The following TMTC2 variants were observed in gnomAD, a reference collection of about 807,000 sequenced individuals.
TMTC2 encodes the protein protein O-mannosyl-transferase TMTC2.
TMTC2 carries 43 observed loss-of-function variants against 82.4 expected under a neutral mutation model. The ratio of observed to expected loss-of-function variants is 0.52; its 90% confidence interval spans 0.41 to 0.67. The LOEUF (loss-of-function observed/expected upper bound fraction) is 0.67, where lower values mean the gene tolerates loss of function less well. Ranked by LOEUF, TMTC2 falls within the 30% of genes least tolerant of loss-of-function variation. The pLI, the probability that TMTC2 is intolerant of heterozygous loss-of-function variation, is 0.00. For missense variants in TMTC2, 919 were observed against 1,012.4 expected (o/e 0.91, Z 1.25); for synonymous variants, 408 against 381.9 (o/e 1.07, Z -0.80).
At chr12:82,839,654 T>C (rs1277974766) in intron 1 of TMTC2, among the ~76,000 whole-genome samples, 3 of 152,118 alleles carry the variant, frequency 2.0e-5, no homozygotes, top group Admixed American at 6.6e-5. Flanking sequence ...CAAGAAAAAA[T>C]AGGCAGAAGA....
At chr12:82,981,704 T>C (rs1248981020) in intron 7 of TMTC2, among the ~76,000 whole-genome samples, 1 of 151,866 alleles carries the variant, frequency 6.6e-6, no homozygotes, top group Non-Finnish European at 1.5e-5. Flanking sequence ...AGAATATGAC[T>C]TAACCTTTAT....
intron 1 of TMTC2, among the ~76,000 whole-genome samples, chr12:82,740,850 C>A (rs79489175): frequency 0.076 from 11,643 of 152,242 alleles, 500 homozygotes; most frequent in South Asian, 0.13. Flanking sequence ...AGCTAAAAGG[C>A]CTCTTTCATG....
At chr12:83,016,697 G>A (rs940875979) in intron 8 of TMTC2, among the ~76,000 whole-genome samples, 8 of 152,164 alleles carry the variant, frequency 5.3e-5, no homozygotes, top group Non-Finnish European at 1.0e-4. Context: ...ATAACATAAT[G>A]ATTCCTGGTA....
intron 1 of TMTC2, among the ~76,000 whole-genome samples, chr12:82,743,003 G>A (rs914160268): frequency 6.6e-6 from 1 of 152,036 alleles, no homozygotes; most frequent in Non-Finnish European, 1.5e-5. Flanking sequence ...TATCTTATTT[G>A]CTGTCTTTGT....
chr12:82,941,946 A>G (rs183028707), intron 4 of TMTC2, among the ~76,000 whole-genome samples: 370 of 152,198 alleles, frequency 2.4e-3, no homozygotes, highest in Non-Finnish European at 3.9e-3. Flanking sequence ...GGTTTTCACC[A>G]TGTTGGCCAG....
chr12:82,906,312 A>G (rs1041075905), intron 3 of TMTC2, among the ~76,000 whole-genome samples: 1 of 152,168 alleles, frequency 6.6e-6, no homozygotes, highest in Non-Finnish European at 1.5e-5. Context: ...TTGTCATGAT[A>G]TGTCCAAGGG....
At chr12:82,893,335 C>T (rs1471030928) in intron 2 of TMTC2, among the ~76,000 whole-genome samples, 1 of 146,958 alleles carries the variant, frequency 6.8e-6, no homozygotes, top group African/African-American at 2.5e-5. Flanking sequence ...CATGCCACTG[C>T]ACTTCAGCCT....
chr12:82,948,550 C>T (rs1877161313), intron 4 of TMTC2, among the ~76,000 whole-genome samples: 1 of 152,136 alleles, frequency 6.6e-6, no homozygotes, highest in Non-Finnish European at 1.5e-5. Context: ...TTAGAAACTG[C>T]TTGTATGACC....
intron 1 of TMTC2, among the ~76,000 whole-genome samples, chr12:82,793,193 G>A (rs964123066): frequency 1.3e-5 from 2 of 152,022 alleles, no homozygotes; most frequent in Non-Finnish European, 2.9e-5. Context: ...CTGATGCAAG[G>A]GATAGAACAT....
At chr12:82,834,935 T>G (rs902049705) in intron 1 of TMTC2, among the ~76,000 whole-genome samples, 4 of 151,872 alleles carry the variant, frequency 2.6e-5, no homozygotes, top group African/African-American at 9.7e-5. Flanking sequence ...TGGAGTGCGG[T>G]GGTGCTATCT....
At chr12:82,690,261 T>C (rs1052483523) in intron 1 of TMTC2, 2 of 433,816 alleles carry the variant, frequency 4.6e-6, no homozygotes, top group African/African-American at 4.3e-5. Flanking sequence ...CAAAGATTCA[T>C]GTTTAAAACA....
chr12:82,938,865 T>A (rs889028030), intron 4 of TMTC2, among the ~76,000 whole-genome samples: 2 of 152,210 alleles, frequency 1.3e-5, no homozygotes, highest in Non-Finnish European at 2.9e-5. Context: ...CTCATGTCCT[T>A]TTCCTCCTCT....
intron 1 of TMTC2, among the ~76,000 whole-genome samples, chr12:82,825,349 G>T (rs11115448): frequency 6.6e-6 from 1 of 152,052 alleles, no homozygotes; most frequent in South Asian, 2.1e-4. Context: ...TTATTTTCCT[G>T]CTGAACATGA....
At chr12:82,914,015 A>G (rs1336251255) in intron 3 of TMTC2, among the ~76,000 whole-genome samples, 1 of 152,170 alleles carries the variant, frequency 6.6e-6, no homozygotes, top group Non-Finnish European at 1.5e-5. Flanking sequence ...GGCAGTTCAA[A>G]CCTATGTTGT....
rs1282796530 is a variant in TMTC2 at position 82,912,938 on chromosome 12, T to TG, written c.1483+16293dup. Among the ~76,000 whole-genome samples the TG allele has an allele frequency of 2.0e-4, 6 of 29,514 alleles. No individual in the cohort carries two copies. The East Asian group carries it at 0.016, about 76-fold the overall frequency. The allele number at this position is 29,514 out of a possible 152,430, so 19.4% of individuals were successfully genotyped here. On this transcript the variant is annotated intron_variant, in intron 3 of 11. Transcript: ENST00000321196. ...TGGGTGACAGAGTTGAGACCTTGTC[T>TG]GAAAAAAAAAAAAAAAAGAATGGGT...
intron 7 of TMTC2, among the ~76,000 whole-genome samples, chr12:82,981,426 C>T (rs1379111922): frequency 6.6e-6 from 1 of 151,798 alleles, no homozygotes; most frequent in African/African-American, 2.4e-5. Context: ...ATTATTTGTT[C>T]TACATCTGAA....
intron 4 of TMTC2, among the ~76,000 whole-genome samples, chr12:82,932,238 C>T (rs1876077432): frequency 6.6e-6 from 1 of 152,182 alleles, no homozygotes; most frequent in Non-Finnish European, 1.5e-5. Context: ...CATACGTTGA[C>T]TTCGTGTTTA....
rs559433470 is a variant in TMTC2 at position 82,829,183 on chromosome 12, A to C, written c.84-27827A>C. Among the ~76,000 whole-genome samples the C allele has an allele frequency of 2.6e-5, 4 of 152,302 alleles. No individual in the cohort carries two copies. In the South Asian group the frequency reaches 6.2e-4, roughly 24 times the overall value. ...GTTTTGTTTTGTTTACAAGTGAGGA[A>C]TCAGAAACATAATTGATTTACAAAG... On this transcript the variant is annotated intron_variant, in intron 1 of 11. Coordinates refer to ENST00000321196, the MANE Select transcript of TMTC2 (RefSeq NM_152588.3).
Position 82,787,016 on chromosome 12 carries a change from A to C in TMTC2, c.84-69994A>C, listed in dbSNP as rs12321752. ...ACAGTTTGTATGTAGCCCTCACACT[A>C]TTTTGTTTGTTCAGAGAGCTTTATC... On this transcript the variant is annotated intron_variant, in intron 1 of 11. Coordinates refer to ENST00000321196, the MANE Select transcript of TMTC2 (RefSeq NM_152588.3). Among the ~76,000 whole-genome samples the C allele has an allele frequency of 8.7e-3, 1,320 of 152,108 alleles. 19 individuals are homozygous for C. The highest frequency in any genetic ancestry group is 0.03 in the African/African-American group (1,261 of 41,510).
Sources: allele counts gnomAD v4.1 joint callset (sites outside exome capture counted in the v4.1 genomes callset), GRCh38; gene constraint gnomAD v4.1.1; transcripts MANE v1.5; gene names NCBI Gene and HGNC (gene_info 2026-07-23, HGNC 2026-07-21).